Variants in PLXNA4 observed in about 807,000 individuals in gnomAD.
The protein encoded by PLXNA4 is plexin A4.
Under a neutral mutation model 191.8 loss-of-function variants are expected in PLXNA4, and 44 were observed. That is an observed-to-expected ratio of 0.23 (90% CI 0.18 to 0.29). The LOEUF (loss-of-function observed/expected upper bound fraction) is 0.29, where lower values mean the gene tolerates loss of function less well. Ranked by LOEUF, PLXNA4 falls within the 10% of genes least tolerant of loss-of-function variation. The pLI is 1.00. For missense variants in PLXNA4, 1,800 were observed against 2,488.8 expected (o/e 0.72, Z 5.89); for synonymous variants, 1,082 against 1,009.5 (o/e 1.07, Z -1.36).
At chr7:132,588,654 G>T in intron 2 of PLXNA4, among the ~76,000 whole-genome samples, 1 of 119,288 alleles carries the variant, frequency 8.4e-6, no homozygotes, top group Non-Finnish European at 1.8e-5. Context: ...GGGAAGGGAA[G>T]GGAAGGGAAG....
At chr7:132,236,474 G>C (rs1798704592) in intron 5 of PLXNA4, among the ~76,000 whole-genome samples, 1 of 152,166 alleles carries the variant, frequency 6.6e-6, no homozygotes, top group Non-Finnish European at 1.5e-5. Context: ...GTGAAGATCA[G>C]GCTTGTTGAG....
intron 3 of PLXNA4, among the ~76,000 whole-genome samples, chr7:132,486,464 G>C (rs1454617491): frequency 6.6e-6 from 1 of 152,212 alleles, no homozygotes; most frequent in Non-Finnish European, 1.5e-5. Context: ...TCCCAACTCA[G>C]ACTGTTCCCC....
intron 2 of PLXNA4, among the ~76,000 whole-genome samples, chr7:132,610,449 G>C (rs932866393): frequency 6.6e-6 from 1 of 152,178 alleles, no homozygotes; most frequent in African/African-American, 2.4e-5. Context: ...TCTGAAGGAA[G>C]CTCTTCAGTC....
intron 1 of PLXNA4, among the ~76,000 whole-genome samples, chr7:132,552,634 A>T (rs1022021545): frequency 1.3e-5 from 2 of 152,216 alleles, no homozygotes; most frequent in African/African-American, 4.8e-5. Context: ...CTGAAGTGGT[A>T]TCTGATTACC....
At chr7:132,213,696 G>C (rs1461263002) in intron 9 of PLXNA4, among the ~76,000 whole-genome samples, 1 of 152,180 alleles carries the variant, frequency 6.6e-6, no homozygotes, top group East Asian at 1.9e-4. Context: ...AGATCCTTGA[G>C]AATGGGGTTG....
chr7:132,516,613 A>C (rs1475572583), intron 1 of PLXNA4, among the ~76,000 whole-genome samples: 3 of 152,206 alleles, frequency 2.0e-5, no homozygotes, highest in Non-Finnish European at 2.9e-5. Flanking sequence ...AGCACATACC[A>C]CATGATGAGT....
At chr7:132,575,361 C>A (rs1585377319) in intron 1 of PLXNA4, among the ~76,000 whole-genome samples, 1 of 152,240 alleles carries the variant, frequency 6.6e-6, no homozygotes, top group Admixed American at 6.5e-5. Context: ...CAGGCTTGGG[C>A]TCTGGGGGAC....
intron 2 of PLXNA4, among the ~76,000 whole-genome samples, chr7:132,624,009 T>C (rs1803323048): frequency 2.0e-5 from 3 of 152,250 alleles, no homozygotes; most frequent in Non-Finnish European, 1.5e-5. Flanking sequence ...CACAGCATAT[T>C]GGCCACATAG....
In PLXNA4 at chr7:132,130,257, A is replaced by T. The variant is rs1342481901; in HGVS notation, c.*222T>A. The T allele has an allele frequency of 5.1e-6, 3 of 585,182 alleles. No individual in the cohort carries two copies. The highest frequency in any genetic ancestry group is 8.7e-6 in the Non-Finnish European group (3 of 344,076). 36.2% of individuals were successfully genotyped at this position (585,182 alleles called of 1,614,324 possible). A position where few individuals can be genotyped will look rare whatever the true frequency, so the allele number is the denominator to read the frequency against. On this transcript the variant is annotated 3_prime_UTR_variant, in exon 32 of 32. Transcript: ENST00000321063. ...GGCCTGGCCATTCTTGGACTAACTG[A>T]GGGTCAGTGGCTTGGTCCAATCGTG...
chr7:132,557,520 T>C (rs1464448777), intron 1 of PLXNA4, among the ~76,000 whole-genome samples: 2 of 128,006 alleles, frequency 1.6e-5, no homozygotes, highest in African/African-American at 5.1e-5. Flanking sequence ...CTTTATTTCC[T>C]TGAATTTTCC....
chr7:132,444,438 A>T (rs1359360137), intron 3 of PLXNA4, among the ~76,000 whole-genome samples: 3 of 152,192 alleles, frequency 2.0e-5, no homozygotes, highest in Non-Finnish European at 2.9e-5. Context: ...TACTCTTAGT[A>T]GAGATGGGGT....
intron 16 of PLXNA4, among the ~76,000 whole-genome samples, chr7:132,184,688 C>T (rs1796818853): frequency 6.6e-6 from 1 of 152,182 alleles, no homozygotes. Flanking sequence ...ACATTCAATG[C>T]CTGGTCCCCT....
chr7:132,444,611 T>C (rs1795825278), intron 3 of PLXNA4, among the ~76,000 whole-genome samples: 1 of 152,154 alleles, frequency 6.6e-6, no homozygotes, highest in Admixed American at 6.5e-5. Context: ...CTAATGAACA[T>C]GTAAAGGGAC....
chr7:132,272,082 G>C (rs1054450434), intron 4 of PLXNA4, among the ~76,000 whole-genome samples: 1 of 152,122 alleles, frequency 6.6e-6, no homozygotes, highest in African/African-American at 2.4e-5. Flanking sequence ...GTTTAGGTAG[G>C]TTTTTCTTCT....
chr7:132,564,985 C>T (rs1801650619), intron 1 of PLXNA4, among the ~76,000 whole-genome samples: 1 of 152,310 alleles, frequency 6.6e-6, no homozygotes, highest in Admixed American at 6.5e-5. Flanking sequence ...CTGCATTCTC[C>T]TTTCCGACCC....
intron 3 of PLXNA4, among the ~76,000 whole-genome samples, chr7:132,451,973 A>G (rs1327911231): frequency 6.6e-6 from 1 of 152,240 alleles, no homozygotes; most frequent in Non-Finnish European, 1.5e-5. Flanking sequence ...TCAAAGTATC[A>G]GACACCAAAA....
At chr7:132,480,399 T>C (rs1200393410) in intron 3 of PLXNA4, among the ~76,000 whole-genome samples, 3 of 152,166 alleles carry the variant, frequency 2.0e-5, no homozygotes, top group Admixed American at 6.5e-5. Context: ...TCCAGAGCAC[T>C]TGCAAAGCAA....
chr7:132,562,031 C>CT (rs1801162889), intron 1 of PLXNA4, among the ~76,000 whole-genome samples: 1 of 44,406 alleles, frequency 2.3e-5, no homozygotes, highest in African/African-American at 4.4e-5. Context: ...CCTCCTCCTT[C>CT]TCCTCCTCTT....
intron 3 of PLXNA4, among the ~76,000 whole-genome samples, chr7:132,393,956 C>T (rs1444940326): frequency 1.3e-5 from 2 of 151,776 alleles, no homozygotes; most frequent in Non-Finnish European, 2.9e-5. Flanking sequence ...GGTATTGAGA[C>T]ACAGACCACT....
Sources: allele counts gnomAD v4.1 joint callset (sites outside exome capture counted in the v4.1 genomes callset), GRCh38; gene constraint gnomAD v4.1.1; transcripts MANE v1.5; gene names NCBI Gene and HGNC (gene_info 2026-07-23, HGNC 2026-07-21).